Variants in TUBGCP2 observed in about 807,000 individuals in gnomAD.
TUBGCP2 encodes the protein tubulin gamma complex component 2.
Under a neutral mutation model 92.2 loss-of-function variants are expected in TUBGCP2, and 55 were observed. That is an observed-to-expected ratio of 0.60 (90% CI 0.48 to 0.75). The LOEUF (loss-of-function observed/expected upper bound fraction) is 0.75, where lower values mean the gene tolerates loss of function less well. TUBGCP2 is among the 30% of genes least tolerant of loss of function. The pLI, the probability that TUBGCP2 is intolerant of heterozygous loss-of-function variation, is 0.00. For missense variants in TUBGCP2, 1,093 were observed against 1,188.9 expected (o/e 0.92, Z 1.19); for synonymous variants, 533 against 505.2 (o/e 1.06, Z -0.74).
At chr10:133,295,298 T>A (rs1458265150) in intron 5 of TUBGCP2, 1 of 152,106 alleles carries the variant, frequency 6.6e-6, no homozygotes, top group East Asian at 1.9e-4. Context: ...AATACAGAAA[T>A]TAGCTGCGTG....
Position 133,293,715 on chromosome 10 carries a change from A to G in TUBGCP2, c.671T>C (p.Val224Ala). 2 of 1,605,536 alleles carry G rather than the reference A, an allele frequency of 1.2e-6. No homozygotes were observed. Among genetic ancestry groups the G allele is most frequent in the South Asian group, 2.2e-5 (2 of 89,398 alleles). The change falls in exon 6 of 18, where the codon GTG becomes GCG. Residue 224 changes from valine to alanine, a missense_variant. Physicochemically the swap from Val to Ala is moderately conservative, Grantham distance 64. This residue lies in a region of TUBGCP2 where 490 missense variants were observed against 488.5 expected (regional missense o/e 1.00). Transcript: ENST00000252936. ...ESAVVEDLLY[V>A]LVGVDGRYVS... ...GTACCTCCCGTCCACGCCCACCAGC[A>G]CGTACAGCAGGTCCTCCACCACGGC...
chr10:133,307,766 T>C (rs1246310368), intron 1 of TUBGCP2, among the ~76,000 whole-genome samples: 2 of 152,038 alleles, frequency 1.3e-5, no homozygotes, highest in African/African-American at 4.8e-5. Context: ...AAGAGAAACG[T>C]ATGGTTACAT....
chr10:133,279,844 G>A lies in TUBGCP2; in HGVS notation c.2631C>T (p.Ser877=). Residue 877 remains serine, a synonymous_variant, in exon 18 of 18, where the codon AGC becomes AGT. Coordinates refer to ENST00000252936, the MANE Select transcript of TUBGCP2 (RefSeq NM_006659.4). Reference sequence around the variant, plus strand: ...CAGGCACTTGGGGGGTGGCCTTCTGGCTCCTCTCTGCAGACAGGCGCTCCA... The same window carrying A: ...CAGGCACTTGGGGGGTGGCCTTCTGACTCCTCTCTGCAGACAGGCGCTCCA... ...ERLERLSAER[S]QKATPQVPVL... The A allele has an allele frequency of 6.2e-7, 1 of 1,601,328 alleles. No individual in the cohort carries two copies. Among genetic ancestry groups the A allele is most frequent in the South Asian group, 1.1e-5 (1 of 89,260 alleles).
rs772152778 is a variant in TUBGCP2, at chr10:133,282,346, G to T, written c.2290-4C>A. ...ATTTCATGCTCTGTGTAAATTTCTA[G>T]GGGGGGAGAGTCGCAAGGAAATGCT... On this transcript the variant is annotated splice_polypyrimidine_tract_variant and splice_region_variant and intron_variant, in intron 15 of 17. Coordinates refer to ENST00000252936, the MANE Select transcript of TUBGCP2 (RefSeq NM_006659.4). 2.1e-5 allele frequency: 34 copies of T among 1,582,228 alleles called. No homozygotes were observed. The highest frequency in any genetic ancestry group is 2.1e-4 in the South Asian group (18 of 87,276).
intron 13 of TUBGCP2, among the ~76,000 whole-genome samples, 168 bp from the exon 14 acceptor site, chr10:133,284,170 C>G (rs1847068793): frequency 6.6e-6 from 1 of 152,202 alleles, no homozygotes; most frequent in Non-Finnish European, 1.5e-5. Flanking sequence ...ACGGCCGCTG[C>G]TCCTGCGTCT....
At chr10:133,281,975 C>T (rs1846992607) in intron 16 of TUBGCP2, among the ~76,000 whole-genome samples, 2 of 152,272 alleles carry the variant, frequency 1.3e-5, no homozygotes, top group South Asian at 4.1e-4. Flanking sequence ...GCGCCCTGCA[C>T]AGCGCTCGCT....
At chr10:133,310,002 G>A, upstream of TUBGCP2, 3 of 1,611,690 alleles carry the variant, frequency 1.9e-6, no homozygotes, top group East Asian at 2.2e-5. Context: ...CACAGCCGCC[G>A]AGGCCACCCC....
chr10:133,310,577 C>T (rs1847968345), upstream of TUBGCP2: 1 of 441,460 alleles, frequency 2.3e-6, no homozygotes. Flanking sequence ...CACTCACACC[C>T]CTCTGGGCCA....
At chr10:133,281,810 G>A (rs1477316324) in intron 16 of TUBGCP2, among the ~76,000 whole-genome samples, 1 of 152,224 alleles carries the variant, frequency 6.6e-6, no homozygotes, top group South Asian at 2.1e-4. Flanking sequence ...GTGTGAACAC[G>A]GGACTGCCCA....
chr10:133,302,653 A>T, intron 2 of TUBGCP2, 139 bp downstream of exon 2: 3 of 1,025,964 alleles, frequency 2.9e-6, no homozygotes, highest in Non-Finnish European at 4.2e-6. Flanking sequence ...TCACCCAGGA[A>T]TGGTGCTCAC....
chr10:133,292,448 C>T (rs540109616), intron 8 of TUBGCP2, 51 bp downstream of exon 8: 1 of 872,666 alleles, frequency 1.1e-6, no homozygotes, highest in South Asian at 1.9e-5. Flanking sequence ...TCCCCCATGT[C>T]CCTCCGTGTC....
At position 133,283,051 on chromosome 10, in the gene TUBGCP2, C is replaced by T. The variant is rs199565041; in HGVS notation, c.2289+27G>A. On this transcript the variant is annotated intron_variant, in intron 15 of 17. Transcript: ENST00000252936. ...GGTCTGCCCACCCGCGCCTGCCCAC[C>T]CGATGGTGCTACCCACACCCACGCA... 58 of 1,612,796 alleles carry T rather than the reference C, an allele frequency of 3.6e-5. No homozygotes were observed. In the African/African-American group the frequency reaches 6.7e-4, roughly 19 times the overall value.
Position 133,283,947 on chromosome 10 carries a change from G to T in TUBGCP2, c.2080C>A (p.Gln694Lys), listed in dbSNP as rs1472626528. ...ATCACTTCAAACATCATGTAGTATT[G>T]AATATTCTGGACGAAGTTGAGCATT... ...QRMLNFVQNI[Q>K]YYMMFEVMEP... The change falls in exon 14 of 18, where the codon CAA (glutamine) becomes AAA (lysine). Residue 694 changes from glutamine to lysine, a missense_variant. Physicochemically the swap from Gln to Lys is moderately conservative, Grantham distance 53. This residue lies in a region of TUBGCP2 where 598 missense variants were observed against 675.5 expected (regional missense o/e 0.89). Transcript: ENST00000252936. 1 of 1,614,156 alleles carries T rather than the reference G, an allele frequency of 6.2e-7. No homozygotes were observed. The highest frequency in any genetic ancestry group is 1.1e-5 in the South Asian group (1 of 91,076).
rs1041641319 is a variant in TUBGCP2, at chr10:133,279,709, C to T, written c.*57G>A. 3 of 1,484,902 alleles carry T rather than the reference C, an allele frequency of 2.0e-6. No individual in the cohort carries two copies. The highest frequency in any genetic ancestry group is 2.7e-5 in the Admixed American group (1 of 36,382). 92.0% of individuals were successfully genotyped at this position (1,484,902 alleles called of 1,614,324 possible). A position where few individuals can be genotyped will look rare whatever the true frequency, so the allele number is the denominator to read the frequency against. On this transcript the variant is annotated 3_prime_UTR_variant, in exon 18 of 18. Coordinates refer to ENST00000252936, the MANE Select transcript of TUBGCP2 (RefSeq NM_006659.4). ...GAGCATTCGATTTGAAAATTCTGGA[C>T]CCATTTGCACCAGTCCCTGCTGACC...
chr10:133,303,017 C>T, intron 1 of TUBGCP2, 37 bp from the exon 2 acceptor site: 3 of 1,582,546 alleles, frequency 1.9e-6, no homozygotes, highest in Non-Finnish European at 2.6e-6. Context: ...AAAATTCAAA[C>T]TGTAGAAATA....
chr10:133,297,330 G>A, intron 5 of TUBGCP2: 1 of 393,186 alleles, frequency 2.5e-6, no homozygotes, highest in Non-Finnish European at 5.0e-6. Context: ...CCTGGGAGGT[G>A]GAGGTTGCAG....
At position 133,281,433 on chromosome 10, in the gene TUBGCP2, G is replaced by A. The variant is rs1846974594; in HGVS notation, c.2413C>T (p.Leu805=). 6 of 1,612,236 alleles carry A rather than the reference G, an allele frequency of 3.7e-6. No individual in the cohort carries two copies. The highest frequency in any genetic ancestry group is 5.1e-6 in the Non-Finnish European group (6 of 1,179,798). ...RARKELARKH[L]AEHADTVQLV... is the part of the protein sequence containing the mutation. ...TGCACAGTGTCTGCGTGCTCAGCCA[G>A]GTGCTGGAAAGAAAGCCGGGGTGCG... The change falls in exon 17 of 18, where the codon CTG becomes TTG. Residue 805 remains leucine (L), a synonymous_variant. Coordinates refer to ENST00000252936, the MANE Select transcript of TUBGCP2 (RefSeq NM_006659.4).
At chr10:133,301,428 G>A (rs1847651667) in intron 2 of TUBGCP2, among the ~76,000 whole-genome samples, 1 of 152,100 alleles carries the variant, frequency 6.6e-6, no homozygotes, top group East Asian at 1.9e-4. Flanking sequence ...CCCAGCAGGG[G>A]TTATGTTTTA....
intron 2 of TUBGCP2, chr10:133,301,900 G>A (rs552276074): frequency 6.6e-6 from 1 of 151,802 alleles, no homozygotes; most frequent in Non-Finnish European, 1.5e-5. Context: ...ATTTTTAGTA[G>A]AGACGGGGTT....
Sources: gnomAD v4.1 joint callset for allele counts (sites outside exome capture counted in the v4.1 genomes callset) on GRCh38, gnomAD v4.1.1 for gene constraint, gnomAD v4.1.1 regional missense constraint, MANE v1.5 for transcripts, NCBI Gene and HGNC (gene_info 2026-07-23, HGNC 2026-07-21) for gene names.